Variants in CEP128 observed in about 807,000 individuals in gnomAD.
CEP128 encodes centrosomal protein 128kDa.
A neutral mutation model predicts 156.7 loss-of-function variants in CEP128; 132 were observed. The observed-to-expected ratio is 0.84, with a 90% CI of 0.73 to 0.97. The LOEUF (loss-of-function observed/expected upper bound fraction) is 0.97, where lower values mean the gene tolerates loss of function less well. Ranked by LOEUF, CEP128 falls within the 50% of genes least tolerant of loss-of-function variation. The pLI, the probability that CEP128 is intolerant of heterozygous loss-of-function variation, is 0.00. For synonymous variants in CEP128, 469 were observed against 448.9 expected, an observed-to-expected ratio of 1.04 and a Z score of -0.57; for missense variants, 1,252 against 1,281.9, an observed-to-expected ratio of 0.98 and a Z score of 0.36.
At chr14:80,654,836 T>C (rs1895061126) in intron 19 of CEP128, among the ~76,000 whole-genome samples, 1 of 152,102 alleles carries the variant, frequency 6.6e-6, no homozygotes, top group Non-Finnish European at 1.5e-5. Flanking sequence ...CATCTAAATC[T>C]TCATGGGCTT....
intron 2 of CEP128, among the ~76,000 whole-genome samples, chr14:80,954,786 A>C (rs1886567914): frequency 1.3e-5 from 2 of 152,228 alleles, no homozygotes; most frequent in African/African-American, 2.4e-5. Flanking sequence ...ATGCCACTTA[A>C]GTATTATTTT....
At chr14:80,877,949 C>T (rs1473822556) in intron 8 of CEP128, among the ~76,000 whole-genome samples, 2 of 152,004 alleles carry the variant, frequency 1.3e-5, no homozygotes, top group East Asian at 1.9e-4. Flanking sequence ...AGATGTGGCA[C>T]CCTACCACCT....
intron 24 of CEP128, among the ~76,000 whole-genome samples, chr14:80,504,444 A>G (rs1660522269): frequency 1.3e-5 from 2 of 152,176 alleles, no homozygotes; most frequent in South Asian, 4.1e-4. Context: ...GGGCCAATGG[A>G]CTCATACATT....
chr14:80,826,646 TA>T (rs899938238), intron 13 of CEP128, among the ~76,000 whole-genome samples: 5 of 151,720 alleles, frequency 3.3e-5, no homozygotes, highest in Non-Finnish European at 5.9e-5. Flanking sequence ...CATCCTCTTT[TA>T]AAAAAAAATT....
intron 21 of CEP128, among the ~76,000 whole-genome samples, chr14:80,556,649 A>G (rs1890449967): frequency 6.6e-6 from 1 of 152,168 alleles, no homozygotes; most frequent in Non-Finnish European, 1.5e-5. Context: ...TAACTACTGC[A>G]CTGCTAAAAT....
chr14:80,944,503 G>A (rs1171035551), upstream of CEP128, among the ~76,000 whole-genome samples: 1 of 152,100 alleles, frequency 6.6e-6, no homozygotes, highest in Non-Finnish European at 1.5e-5. Context: ...GGCTTCCCCA[G>A]CCATGCAGAA....
intron 19 of CEP128, among the ~76,000 whole-genome samples, chr14:80,679,606 A>T (rs576694941): frequency 1.3e-5 from 2 of 152,296 alleles, no homozygotes; most frequent in South Asian, 4.2e-4. Context: ...TTATCAAGGC[A>T]ATACATGCAC....
downstream of CEP128, among the ~76,000 whole-genome samples, chr14:80,489,474 A>C (rs1322219563): frequency 8.9e-6 from 1 of 112,518 alleles, no homozygotes; most frequent in Non-Finnish European, 2.1e-5. Context: ...TTTTTTCCTG[A>C]TGAGGAGATT....
At chr14:80,786,002 T>C (rs1901388618) in intron 14 of CEP128, among the ~76,000 whole-genome samples, 1 of 152,088 alleles carries the variant, frequency 6.6e-6, no homozygotes, top group Non-Finnish European at 1.5e-5. Context: ...TAGGGAAGCA[T>C]GCAGATACAA....
intron 20 of CEP128, among the ~76,000 whole-genome samples, chr14:80,561,896 C>CTATATATATATA (rs145642470): frequency 0.079 from 11,229 of 142,016 alleles, 752 homozygotes; most frequent in East Asian, 0.33. Context: ...ATACGAAGGT[C>CTATATATATATA]TATATATATA....
chr14:80,670,637 A>AG (rs1895802483), intron 19 of CEP128, among the ~76,000 whole-genome samples: 1 of 152,000 alleles, frequency 6.6e-6, no homozygotes, highest in African/African-American at 2.4e-5. Context: ...AAATAGTGTG[A>AG]GGGGGGTGAG....
chr14:80,523,055 C>G (rs1888814578), intron 23 of CEP128, among the ~76,000 whole-genome samples: 1 of 152,194 alleles, frequency 6.6e-6, no homozygotes, highest in South Asian at 2.1e-4. Context: ...GGAGATGGCT[C>G]TAGCCTTGGA....
At chr14:80,732,862 G>GT (rs2139535943) in intron 19 of CEP128, among the ~76,000 whole-genome samples, 1 of 152,224 alleles carries the variant, frequency 6.6e-6, no homozygotes, top group East Asian at 1.9e-4. Context: ...GATCATGCAA[G>GT]TAAGATGCTT....
intron 2 of CEP128, among the ~76,000 whole-genome samples, chr14:80,937,900 AT>A (rs11453759): frequency 7.1e-4 from 105 of 147,090 alleles, no homozygotes; most frequent in Middle Eastern, 3.4e-3. Context: ...AATCCTAAGA[AT>A]TTTTTTTTTT....
intron 18 of CEP128, among the ~76,000 whole-genome samples, 182 bp from the exon 19 acceptor site, chr14:80,743,449 C>G (rs777280636): frequency 1.3e-5 from 2 of 152,102 alleles, no homozygotes; most frequent in Non-Finnish European, 1.5e-5. Flanking sequence ...AAAGCTGGTT[C>G]AGAAATTAAG....
chr14:80,784,282 GAAAAAA>G (rs34067954), intron 15 of CEP128, among the ~76,000 whole-genome samples: 2 of 137,364 alleles, frequency 1.5e-5, no homozygotes, highest in African/African-American at 5.3e-5. Context: ...CACGTGTTAT[GAAAAAA>G]AAAAAAAAGA....
intron 9 of CEP128, among the ~76,000 whole-genome samples, chr14:80,853,772 A>G (rs1887013203): frequency 6.6e-6 from 1 of 152,036 alleles, no homozygotes; most frequent in South Asian, 2.1e-4. Context: ...TAATTAAGAA[A>G]GAATTATATT....
intron 13 of CEP128, among the ~76,000 whole-genome samples, chr14:80,824,406 T>C (rs529567700): frequency 4.6e-5 from 7 of 152,364 alleles, no homozygotes; most frequent in South Asian, 2.1e-4. Flanking sequence ...TCTTTCCTTT[T>C]GCATTGTCAG....
chr14:80,864,377 G>A (rs953902475), intron 8 of CEP128, among the ~76,000 whole-genome samples: 5 of 152,042 alleles, frequency 3.3e-5, no homozygotes, highest in African/African-American at 1.2e-4. Context: ...AATTCAATAA[G>A]TTGAATGACT....
Sources: gnomAD v4.1 joint callset for allele counts (sites outside exome capture counted in the v4.1 genomes callset) on GRCh38, gnomAD v4.1.1 for gene constraint, MANE v1.5 for transcripts, NCBI Gene and HGNC (gene_info 2026-07-23, HGNC 2026-07-21) for gene names.